The following PAPPA variants were observed in gnomAD, a reference collection of about 807,000 sequenced individuals.
The protein encoded by PAPPA is pappalysin 1.
Under a neutral mutation model 164.0 loss-of-function variants are expected in PAPPA, and 60 were observed. That is an observed-to-expected ratio of 0.37 (90% confidence interval 0.30 to 0.45). PAPPA has a LOEUF of 0.45. Ranked by LOEUF, PAPPA falls within the 20% of genes least tolerant of loss-of-function variation. The probability of loss-of-function intolerance (pLI) is 1.00; values close to 1 mark genes in which losing one functional copy is unlikely to be tolerated. For missense variants in PAPPA, 1,782 were observed against 2,087.3 expected (o/e 0.85, Z 2.85); for synonymous variants, 875 against 814.1 (o/e 1.07, Z -1.27).
chr9:116,178,673 C>G (rs1303111376), intron 1 of PAPPA, among the ~76,000 whole-genome samples: 1 of 152,144 alleles, frequency 6.6e-6, no homozygotes, highest in Admixed American at 6.5e-5. Context: ...TGTTTTGTTG[C>G]CAGTGGCCAT....
chr9:116,235,348 G>T lies in PAPPA; in HGVS notation c.2443G>T (p.Asp815Tyr). The change falls in exon 7 of 22, where the codon GAC (aspartate) becomes TAC (tyrosine). Residue 815 changes from aspartate (D) to tyrosine (Y), a missense_variant. Physicochemically the swap from Asp to Tyr is radical, Grantham distance 160. Coordinates refer to ENST00000328252, the MANE Select transcript of PAPPA (RefSeq NM_002581.5). Reference protein sequence around the residue: ...TDWDSSGAVNDIKLLAVSGKN... With the variant: ...TDWDSSGAVNYIKLLAVSGKN... ...CTGGGACTCTAGTGGAGCTGTCAAT[G>T]ACATCAAACTGTTGGCTGTCAGTGG... The T allele has an allele frequency of 6.2e-7, 1 of 1,614,026 alleles. No individual in the cohort carries two copies. The highest frequency in any genetic ancestry group is 8.5e-7 in the Non-Finnish European group (1 of 1,179,978).
intron 21 of PAPPA, among the ~76,000 whole-genome samples, chr9:116,392,545 G>A (rs1016221591): frequency 6.6e-6 from 1 of 152,196 alleles, no homozygotes; most frequent in African/African-American, 2.4e-5. Context: ...TTCACCGCTT[G>A]AGCCTGCATG....
At chr9:116,211,318 C>G (rs1368394110) in intron 3 of PAPPA, among the ~76,000 whole-genome samples, 1 of 152,192 alleles carries the variant, frequency 6.6e-6, no homozygotes, top group East Asian at 1.9e-4. Context: ...GTTTACTGGC[C>G]CAGAAATCAG....
chr9:116,295,322 G>C (rs148883240), intron 9 of PAPPA, among the ~76,000 whole-genome samples: 30 of 151,934 alleles, frequency 2.0e-4, no homozygotes, highest in African/African-American at 6.3e-4. Context: ...GAGGCTGAAC[G>C]GGGGGTGGAT....
At position 116,398,932 on chromosome 9, in the gene PAPPA, T is replaced by G; in HGVS notation, c.*2316T>G. The G allele has an allele frequency of 3.0e-6, 1 of 335,376 alleles. No individual in the cohort carries two copies. Among genetic ancestry groups the G allele is most frequent in the South Asian group, 2.4e-5 (1 of 41,658 alleles). 20.8% of individuals were successfully genotyped at this position (335,376 alleles called of 1,614,324 possible). ...AACTCTCCAGGCCTCTCTCTTGCCC[T>G]GAGTTATCAGCCTGTGTGGTGTTAA... On this transcript the variant is annotated 3_prime_UTR_variant, in exon 22 of 22. Coordinates refer to ENST00000328252, the MANE Select transcript of PAPPA (RefSeq NM_002581.5).
chr9:116,346,374 G>T (rs554515362), intron 14 of PAPPA, among the ~76,000 whole-genome samples: 1 of 151,950 alleles, frequency 6.6e-6, no homozygotes, highest in African/African-American at 2.4e-5. Flanking sequence ...CTATTGAGCC[G>T]CCAAATCTGA....
At chr9:116,297,347 T>A (rs560777259) in intron 9 of PAPPA, among the ~76,000 whole-genome samples, 5 of 152,360 alleles carry the variant, frequency 3.3e-5, no homozygotes, top group African/African-American at 1.2e-4. Context: ...AACTTATGAC[T>A]ATCTGTTCAA....
In PAPPA at chr9:116,190,824, C is replaced by T. The variant is rs756104693; in HGVS notation, c.1478+2608C>T. Among the ~76,000 whole-genome samples the T allele has an allele frequency of 4.1e-4, 62 of 152,284 alleles. No individual in the cohort carries two copies. The Middle Eastern group carries it at 0.01, about 25-fold the overall frequency. ...TGAGCGACCATGAGCCAGCTATAAC[C>T]GCTGTGACCAGGGCTTGTTTGTTTG... On this transcript the variant is annotated intron_variant, in intron 2 of 21. Coordinates refer to ENST00000328252, the MANE Select transcript of PAPPA (RefSeq NM_002581.5).
intron 10 of PAPPA, among the ~76,000 whole-genome samples, chr9:116,304,106 C>T (rs1158002573): frequency 6.6e-6 from 1 of 152,194 alleles, no homozygotes; most frequent in Non-Finnish European, 1.5e-5. Flanking sequence ...CATCCTCCCC[C>T]TGTGCCACGT....
chr9:116,284,472 T>TC (rs1188844717), intron 9 of PAPPA, among the ~76,000 whole-genome samples: 1 of 151,498 alleles, frequency 6.6e-6, no homozygotes, highest in Non-Finnish European at 1.5e-5. Flanking sequence ...TCTCCAATGT[T>TC]CCATAATAGG....
intron 1 of PAPPA, among the ~76,000 whole-genome samples, chr9:116,156,664 C>A (rs1477097837): frequency 6.6e-6 from 1 of 152,010 alleles, no homozygotes; most frequent in African/African-American, 2.4e-5. Flanking sequence ...TGGTGGATTT[C>A]TTTTCCCTCC....
chr9:116,340,803 C>T, intron 13 of PAPPA, among the ~76,000 whole-genome samples: 1 of 152,144 alleles, frequency 6.6e-6, no homozygotes. Context: ...AGAAGTCCTG[C>T]AACTAAGAAA....
At position 116,347,475 on chromosome 9, in the gene PAPPA, G is replaced by C. The variant is rs1176800613; in HGVS notation, c.3964+266G>C. Among the ~76,000 whole-genome samples, 2 of 152,128 alleles carry C rather than the reference G, an allele frequency of 1.3e-5. No homozygotes were observed. ...AAAAGAAAAGAAAGAGAGGATAAAA[G>C]TGAAGAAGGGAGGGAAGAAGGAAGA... On this transcript the variant is annotated intron_variant, in intron 15 of 21. Coordinates refer to ENST00000328252, the MANE Select transcript of PAPPA (RefSeq NM_002581.5). This position sits in a 1 kb window ranked among gnomAD's most constrained non-coding sequence, Gnocchi z 4.5.
chr9:116,326,552 T>C (rs1205552348), intron 10 of PAPPA, among the ~76,000 whole-genome samples: 1 of 152,216 alleles, frequency 6.6e-6, no homozygotes, highest in Non-Finnish European at 1.5e-5. Flanking sequence ...ATTTTAGTCA[T>C]TCAAAGTAAT....
At chr9:116,379,462 T>C (rs557588784) in intron 20 of PAPPA, among the ~76,000 whole-genome samples, 148 of 152,300 alleles carry the variant, frequency 9.7e-4, no homozygotes, top group African/African-American at 3.3e-3. Flanking sequence ...GTTCCAGTTC[T>C]GGGAATACAT....
chr9:116,308,785 C>T (rs1845679094), intron 10 of PAPPA, among the ~76,000 whole-genome samples: 1 of 152,194 alleles, frequency 6.6e-6, no homozygotes, highest in African/African-American at 2.4e-5. Flanking sequence ...TCTTTTGGCC[C>T]CCATTCTTTC....
chr9:116,363,513 C>T (rs1204839325), intron 18 of PAPPA, among the ~76,000 whole-genome samples: 1 of 152,224 alleles, frequency 6.6e-6, no homozygotes, highest in Non-Finnish European at 1.5e-5. Flanking sequence ...TGTCTGGACA[C>T]ATGCATTAAT....
Position 116,207,514 on chromosome 9 carries a change from C to T in PAPPA, c.1537C>T (p.Leu513Phe), listed in dbSNP as rs1844251660. The change falls in exon 3 of 22, where the codon CTC becomes TTC. Residue 513 changes from leucine (L) to phenylalanine (F), a missense_variant. By Grantham distance (22) the Leu-to-Phe change is conservative. Transcript: ENST00000328252. ...NILKLDGSTHLNIFFAKSSEE... is the reference protein window; with the variant it reads ...NILKLDGSTHFNIFFAKSSEE... ...TCTTAAATTGGATGGATCAACACAT[C>T]TCAATATTTTCTTTGCAAAATCCTC... 6.2e-7 allele frequency: 1 copy of T among 1,613,022 alleles called. No individual in the cohort carries two copies. The highest frequency in any genetic ancestry group is 8.5e-7 in the Non-Finnish European group (1 of 1,179,230).
At chr9:116,172,159 A>G (rs1011696010) in intron 1 of PAPPA, among the ~76,000 whole-genome samples, 2 of 152,092 alleles carry the variant, frequency 1.3e-5, no homozygotes, top group Admixed American at 6.5e-5. Flanking sequence ...TATTACTGCA[A>G]TTTTCCAGAT....
Sources: allele counts gnomAD v4.1 joint callset (sites outside exome capture counted in the v4.1 genomes callset), GRCh38; gene constraint gnomAD v4.1.1; non-coding constraint Gnocchi (gnomAD v3.1); transcripts MANE v1.5; gene names NCBI Gene and HGNC (gene_info 2026-07-23, HGNC 2026-07-21).